Variants in RNF150 observed in about 807,000 individuals in gnomAD.
RNF150 encodes ring finger protein 150.
Under a neutral mutation model 39.3 loss-of-function variants are expected in RNF150, and 24 were observed. The observed-to-expected ratio is 0.61, with a 90% confidence interval of 0.44 to 0.86. RNF150 has a LOEUF of 0.86. Among genes scored for constraint, RNF150 ranks in the 40% least tolerant of loss-of-function variants. The pLI, the probability that RNF150 is intolerant of heterozygous loss-of-function variation, is 0.00. For synonymous variants in RNF150, 255 were observed against 227.3 expected, an observed-to-expected ratio of 1.12 and a Z score of -1.10; for missense variants, 502 against 587.8, an observed-to-expected ratio of 0.85 and a Z score of 1.51.
intron 1 of RNF150, among the ~76,000 whole-genome samples, chr4:141,166,606 A>T (rs1376462077): frequency 6.6e-6 from 1 of 152,190 alleles, no homozygotes; most frequent in East Asian, 1.9e-4. Flanking sequence ...TGATCAAGTC[A>T]GCTTCATCCT....
intron 1 of RNF150, among the ~76,000 whole-genome samples, chr4:141,021,950 G>A (rs1735510314): frequency 6.6e-6 from 1 of 152,228 alleles, no homozygotes; most frequent in African/African-American, 2.4e-5. Context: ...CACACAGCTT[G>A]CTTGCCCCTG....
At chr4:140,935,525 G>A (rs1187996679) in intron 4 of RNF150, among the ~76,000 whole-genome samples, 1 of 152,036 alleles carries the variant, frequency 6.6e-6, no homozygotes, top group African/African-American at 2.4e-5. Context: ...GTCCTAAGGC[G>A]ACATTTGCTA....
At chr4:141,076,700 C>G (rs890608770) in intron 1 of RNF150, among the ~76,000 whole-genome samples, 25 of 152,038 alleles carry the variant, frequency 1.6e-4, no homozygotes, top group African/African-American at 5.8e-4. Context: ...ACTGACATAA[C>G]CAGCCCTTTT....
chr4:140,986,521 CTT>C (rs1734021808), intron 1 of RNF150, among the ~76,000 whole-genome samples: 3 of 152,096 alleles, frequency 2.0e-5, no homozygotes, highest in Non-Finnish European at 4.4e-5. Flanking sequence ...ATCAACTCTT[CTT>C]GATAGCTCCC....
intron 1 of RNF150, among the ~76,000 whole-genome samples, chr4:141,104,228 T>C (rs991296171): frequency 5.9e-5 from 9 of 152,158 alleles, no homozygotes; most frequent in African/African-American, 2.2e-4. Flanking sequence ...GACTCCAATG[T>C]ATTAGAGCTC....
At chr4:141,027,726 G>T (rs1406786964) in intron 1 of RNF150, among the ~76,000 whole-genome samples, 1 of 152,060 alleles carries the variant, frequency 6.6e-6, no homozygotes, top group African/African-American at 2.4e-5. Flanking sequence ...ATAAGGAAGG[G>T]GAGGCCTATA....
At position 140,935,002 on chromosome 4, in the gene RNF150, TA is replaced by T. The variant is rs1386223603; in HGVS notation, c.891-8930del. Among the ~76,000 whole-genome samples, 13 of 114,796 alleles carry T rather than the reference TA, an allele frequency of 1.1e-4. No individual in the cohort carries two copies. In the East Asian group the frequency reaches 1.4e-3, roughly 13 times the overall value. 75.3% of individuals were successfully genotyped at this position (114,796 alleles called of 152,430 possible). A position where few individuals can be genotyped will look rare whatever the true frequency, so the allele number is the denominator to read the frequency against. On this transcript the variant is annotated intron_variant, in intron 4 of 6. Transcript: ENST00000515673. The stretch of plus-strand genomic sequence containing the variant: ...GTTAAAGTGTTATAATATATATATA[TA>T]TATAAATATATATATATTATATATT...
chr4:140,976,859 CT>C (rs1031080540), intron 1 of RNF150, among the ~76,000 whole-genome samples: 27 of 152,042 alleles, frequency 1.8e-4, no homozygotes, highest in Non-Finnish European at 3.5e-4. Context: ...CACAAGTCAC[CT>C]TTTTTTCACT....
Position 141,082,576 on chromosome 4 carries a change from A to C in RNF150, c.484+49749T>G, listed in dbSNP as rs939582201. ...AGCAGGGTCAAGAAATACAGGATGA[A>C]ATTATTTTTTTTATTTTTTATTTTT... On this transcript the variant is annotated intron_variant, in intron 1 of 6. Coordinates refer to ENST00000515673, the MANE Select transcript of RNF150 (RefSeq NM_020724.2). 2.0e-5 allele frequency among the ~76,000 whole-genome samples: 3 copies of C among 149,886 alleles called. No homozygotes were observed. The Admixed American group carries it at 2.0e-4, about 10-fold the overall frequency.
intron 1 of RNF150, among the ~76,000 whole-genome samples, chr4:141,193,031 T>C (rs1728136382): frequency 6.6e-6 from 1 of 152,232 alleles, no homozygotes; most frequent in African/African-American, 2.4e-5. Flanking sequence ...TCCATTTCCT[T>C]CTGGTCTGTC....
At chr4:140,954,939 GT>G (rs1021897075) in intron 2 of RNF150, among the ~76,000 whole-genome samples, 3 of 151,924 alleles carry the variant, frequency 2.0e-5, no homozygotes, top group Admixed American at 1.3e-4. Flanking sequence ...TATCATATTT[GT>G]TTTTTTCCCT....
intron 1 of RNF150, among the ~76,000 whole-genome samples, chr4:141,124,124 G>A (rs1311602827): frequency 6.6e-6 from 1 of 152,182 alleles, no homozygotes; most frequent in Non-Finnish European, 1.5e-5. Context: ...TCTTGCTGAG[G>A]CGCCCCACTG....
intron 1 of RNF150, among the ~76,000 whole-genome samples, chr4:141,115,324 C>T (rs908566591): frequency 2.0e-5 from 3 of 152,180 alleles, no homozygotes; most frequent in African/African-American, 7.2e-5. Context: ...ATGCAAAAAT[C>T]ACAAGCATTC....
At chr4:140,909,105 T>C (rs1163910866) in intron 6 of RNF150, among the ~76,000 whole-genome samples, 5 of 152,202 alleles carry the variant, frequency 3.3e-5, no homozygotes, top group African/African-American at 1.2e-4. Context: ...GGAAAAATTC[T>C]GAGACCACCT....
intron 1 of RNF150, among the ~76,000 whole-genome samples, chr4:141,000,025 A>C (rs1264194086): frequency 1.2e-4 from 5 of 40,054 alleles, no homozygotes; most frequent in Admixed American, 9.8e-4. Flanking sequence ...AAGAAGAAGA[A>C]GAAGAAGAAG....
At chr4:140,889,220 A>G (rs1391632795) in intron 6 of RNF150, among the ~76,000 whole-genome samples, 1 of 152,104 alleles carries the variant, frequency 6.6e-6, no homozygotes, top group African/African-American at 2.4e-5. Flanking sequence ...TCCCTTCTGG[A>G]GCAGATTCTC....
intron 6 of RNF150, among the ~76,000 whole-genome samples, chr4:140,910,195 C>CCAA (rs1432083299): frequency 1.3e-5 from 2 of 152,066 alleles, no homozygotes; most frequent in Non-Finnish European, 2.9e-5. Flanking sequence ...AAAAGAAAGA[C>CCAA]CAACTTCAAA....
At chr4:141,118,823 C>T (rs145558304) in intron 1 of RNF150, among the ~76,000 whole-genome samples, 13,490 of 152,112 alleles carry the variant, frequency 0.089, 822 homozygotes, top group Non-Finnish European at 0.13. Flanking sequence ...TACAGTGGCT[C>T]GATCTCGGCT....
At chr4:140,928,599 T>C (rs1020742109) in intron 4 of RNF150, among the ~76,000 whole-genome samples, 9 of 152,320 alleles carry the variant, frequency 5.9e-5, no homozygotes. Flanking sequence ...CAGACTGGAG[T>C]GCAGTGGCAA....
Sources: allele counts gnomAD v4.1 joint callset (sites outside exome capture counted in the v4.1 genomes callset), GRCh38; gene constraint gnomAD v4.1.1; transcripts MANE v1.5; gene names NCBI Gene and HGNC (gene_info 2026-07-23, HGNC 2026-07-21).